Variants in PTCHD4 observed in about 807,000 individuals in gnomAD.
PTCHD4 encodes the protein patched domain containing 4.
A neutral mutation model predicts 58.1 loss-of-function variants in PTCHD4; 33 were observed. The observed-to-expected ratio is 0.57, with a 90% CI of 0.43 to 0.76. The LOEUF is 0.76. Among genes scored for constraint, PTCHD4 ranks in the 30% least tolerant of loss-of-function variants. The pLI is 0.00. For missense variants in PTCHD4, 1,058 were observed against 1,027.1 expected, an observed-to-expected ratio of 1.03 and a Z score of -0.41; for synonymous variants, 478 against 409.6, an observed-to-expected ratio of 1.17 and a Z score of -2.02.
intron 3 of PTCHD4, among the ~76,000 whole-genome samples, chr6:48,050,907 T>C (rs372141635): frequency 1.3e-5 from 2 of 152,084 alleles, no homozygotes; most frequent in African/African-American, 2.4e-5. Context: ...CTATTCATGA[T>C]AATTGAATTA....
chr6:47,962,466 G>C (rs1168545741), intron 4 of PTCHD4, among the ~76,000 whole-genome samples: 2 of 152,118 alleles, frequency 1.3e-5, no homozygotes, highest in Non-Finnish European at 2.9e-5. Context: ...GTGTCAAGGA[G>C]AGACCAGATG....
chr6:48,023,546 A>G (rs1763140345), intron 3 of PTCHD4, among the ~76,000 whole-genome samples: 5 of 152,150 alleles, frequency 3.3e-5, no homozygotes, highest in Admixed American at 3.3e-4. Context: ...TTGCTATCAC[A>G]TATAAATATC....
intron 4 of PTCHD4, among the ~76,000 whole-genome samples, chr6:47,964,720 G>A (rs992332311): frequency 6.6e-6 from 1 of 152,170 alleles, no homozygotes; most frequent in Non-Finnish European, 1.5e-5. Flanking sequence ...TCTTGGTAGT[G>A]AGTGGTTTAA....
chr6:48,043,944 T>C (rs756666921), intron 3 of PTCHD4, among the ~76,000 whole-genome samples: 39 of 151,788 alleles, frequency 2.6e-4, no homozygotes, highest in Non-Finnish European at 4.7e-4. Flanking sequence ...CTGCAGTATA[T>C]GAGAATTAGA....
chr6:47,876,119 C>A lies in PTCHD4; in HGVS notation c.*2184G>T, dbSNP rs1272705602. ...AAAAAATCAAAACCCAACCAAAAAC[C>A]TCCTCTGAAACTTCTACTTCAGATA... On this transcript the variant is annotated 3_prime_UTR_variant, in exon 5 of 5. Coordinates refer to ENST00000339488, the MANE Select transcript of PTCHD4 (RefSeq NM_001384253.1). Among the ~76,000 whole-genome samples the A allele has an allele frequency of 1.3e-5, 2 of 151,648 alleles. No homozygotes were observed.
chr6:48,039,537 A>G (rs1446799847), intron 3 of PTCHD4, among the ~76,000 whole-genome samples: 4 of 152,238 alleles, frequency 2.6e-5, no homozygotes, highest in East Asian at 3.9e-4. Context: ...TGGTGTTTAC[A>G]TGGGTGTTTG....
At chr6:47,891,495 C>A (rs1369858360) in intron 4 of PTCHD4, among the ~76,000 whole-genome samples, 2 of 152,124 alleles carry the variant, frequency 1.3e-5, no homozygotes, top group East Asian at 3.9e-4. Flanking sequence ...GACTAAATCT[C>A]TTCCTTTCAA....
chr6:47,885,286 T>C (rs1764156066), intron 4 of PTCHD4, among the ~76,000 whole-genome samples: 1 of 152,040 alleles, frequency 6.6e-6, no homozygotes, highest in Non-Finnish European at 1.5e-5. Context: ...GTGTGTGTAT[T>C]GAGTACTCCA....
intron 3 of PTCHD4, among the ~76,000 whole-genome samples, chr6:48,066,711 G>A (rs945087786): frequency 3.3e-5 from 5 of 151,512 alleles, no homozygotes; most frequent in Non-Finnish European, 7.4e-5. Flanking sequence ...CATCTGTTTC[G>A]TTTCACTAAA....
At position 47,856,790 on chromosome 6, in the gene PTCHD4, T is replaced by A. The variant is rs1554145215; in HGVS notation, c.*21513A>T. Among the ~76,000 whole-genome samples the A allele has an allele frequency of 6.6e-6, 1 of 152,058 alleles. No homozygotes were observed. The highest frequency in any genetic ancestry group is 1.5e-5 in the Non-Finnish European group (1 of 67,978). ...AATTTTATGAACATTTTATACCTAA[T>A]AAAAAAGTTAAAATAATTAACAGCA... On this transcript the variant is annotated 3_prime_UTR_variant, in exon 5 of 5. Transcript: ENST00000339488.
chr6:48,076,211 A>G (rs762627050), intron 1 of PTCHD4, among the ~76,000 whole-genome samples: 1 of 152,244 alleles, frequency 6.6e-6, no homozygotes, highest in Non-Finnish European at 1.5e-5. Flanking sequence ...TTGAAATTGC[A>G]GCAATTCAGT....
At position 48,008,617 on chromosome 6, in the gene PTCHD4, C is replaced by T. The variant is rs1456397983; in HGVS notation, c.898+17G>A. On this transcript the variant is annotated intron_variant, in intron 4 of 4. Coordinates refer to ENST00000339488, the MANE Select transcript of PTCHD4 (RefSeq NM_001384253.1). ...CAAACCGGTAAGAATCCGATTACCA[C>T]AAGGATGGATAGTTACCCATGGCGA... 6.2e-7 allele frequency: 1 copy of T among 1,609,004 alleles called. No homozygotes were observed. The highest frequency in any genetic ancestry group is 1.3e-5 in the African/African-American group (1 of 74,954).
intron 4 of PTCHD4, among the ~76,000 whole-genome samples, chr6:47,897,277 A>G (rs1372369053): frequency 6.6e-6 from 1 of 152,206 alleles, no homozygotes; most frequent in Non-Finnish European, 1.5e-5. Context: ...CAATTTATCA[A>G]TAGGTTGGCT....
intron 3 of PTCHD4, among the ~76,000 whole-genome samples, chr6:48,014,331 A>G (rs1026637648): frequency 6.6e-6 from 1 of 152,196 alleles, no homozygotes; most frequent in Non-Finnish European, 1.5e-5. Context: ...ATTCGCTTCC[A>G]AACTCACCAG....
chr6:47,875,023 T>C lies in PTCHD4; in HGVS notation c.*3280A>G, dbSNP rs564129591. On this transcript the variant is annotated 3_prime_UTR_variant, in exon 5 of 5. Coordinates refer to ENST00000339488, the MANE Select transcript of PTCHD4 (RefSeq NM_001384253.1). ...CTCACATGGCACTTTCCAATTCAAA[T>C]TTAAATTCTGATGGAAGGAAATAAA... is the stretch of plus-strand genomic sequence containing the variant. Among the ~76,000 whole-genome samples the C allele has an allele frequency of 3.2e-4, 48 of 151,912 alleles. No individual in the cohort carries two copies. Among genetic ancestry groups the C allele is most frequent in the Admixed American group, 2.9e-3 (44 of 15,220 alleles).
Position 47,870,650 on chromosome 6 carries a change from T to G in PTCHD4, c.*7653A>C, listed in dbSNP as rs1763692224. ...CAAAAATAGGTACTTTTAGAATATTTTCTTCTTTGTGAGATCTAAAATGGC... is the reference window on the plus strand; with the variant it reads ...CAAAAATAGGTACTTTTAGAATATTGTCTTCTTTGTGAGATCTAAAATGGC... On this transcript the variant is annotated 3_prime_UTR_variant, in exon 5 of 5. Transcript: ENST00000339488. Among the ~76,000 whole-genome samples, 1 of 151,658 alleles carries G rather than the reference T, an allele frequency of 6.6e-6. No homozygotes were observed. The highest frequency in any genetic ancestry group is 2.4e-5 in the African/African-American group (1 of 41,390).
intron 4 of PTCHD4, among the ~76,000 whole-genome samples, chr6:47,947,314 C>T (rs995069616): frequency 2.0e-5 from 3 of 152,126 alleles, no homozygotes; most frequent in South Asian, 2.1e-4. Flanking sequence ...AATCTTGACA[C>T]ATTTACCCTA....
chr6:47,924,696 A>G (rs561491836), intron 4 of PTCHD4, among the ~76,000 whole-genome samples: 1 of 152,306 alleles, frequency 6.6e-6, no homozygotes, highest in East Asian at 1.9e-4. Context: ...TGGGCTTCTA[A>G]GCAATTTTCA....
intron 1 of PTCHD4, among the ~76,000 whole-genome samples, chr6:48,110,792 A>AATATAT (rs368749348): frequency 2.1e-3 from 298 of 142,826 alleles, no homozygotes; most frequent in African/African-American, 6.3e-3. Flanking sequence ...TATATATATA[A>AATATAT]ATATATATAT....
Sources: allele counts gnomAD v4.1 joint callset (sites outside exome capture counted in the v4.1 genomes callset), GRCh38; gene constraint gnomAD v4.1.1; transcripts MANE v1.5; gene names NCBI Gene and HGNC (gene_info 2026-07-23, HGNC 2026-07-21).